TRIM11: variants seen among roughly 807,000 people sequenced by gnomAD.
TRIM11 encodes tripartite motif containing 11.
TRIM11 carries 15 observed loss-of-function variants against 33.4 expected under a neutral mutation model. The observed-to-expected ratio is 0.45, with a 90% CI of 0.30 to 0.69. TRIM11 has a LOEUF of 0.69. Among genes scored for constraint, TRIM11 ranks in the 30% least tolerant of loss-of-function variants. TRIM11 has a pLI of 0.08. For missense variants in TRIM11, 499 were observed against 667.6 expected (o/e 0.75, Z 2.78); for synonymous variants, 281 against 302.6 (o/e 0.93, Z 0.74).
At position 228,399,399 on chromosome 1, in the gene TRIM11, C is replaced by T. The variant is rs191805745; in HGVS notation, c.735+1565G>A. On this transcript the variant is annotated intron_variant, in intron 3 of 5. Transcript: ENST00000284551. ...GCAGGGAGCTTGGCCAAGGCATGGA[C>T]GGGTGGGCCACTCAGCGGGGTGAAT... 7.6e-3 allele frequency among the ~76,000 whole-genome samples: 1,150 copies of T among 152,286 alleles called. 7 individuals are homozygous for T. Among genetic ancestry groups the T allele is most frequent in the African/African-American group, 0.025 (1,059 of 41,558 alleles).
Position 228,403,777 on chromosome 1 carries a change from CCT to C in TRIM11, c.409-1618_409-1617del, listed in dbSNP as rs1656310949. 6.6e-6 allele frequency: 1 copy of C among 152,404 alleles called. No individual in the cohort carries two copies. The highest frequency in any genetic ancestry group is 3.4e-3 in the Middle Eastern group (1 of 294). 9.4% of individuals were successfully genotyped at this position (152,404 alleles called of 1,614,324 possible). Reference sequence around the variant, plus strand: ...TCAAGTGATTCTTCTGCCTCAGCCCCCTGAGTAGCTGGGATTACAGGTGCCCA... The same window carrying C: ...TCAAGTGATTCTTCTGCCTCAGCCCCGAGTAGCTGGGATTACAGGTGCCCA... On this transcript the variant is annotated intron_variant, in intron 1 of 5. Coordinates refer to ENST00000284551, the MANE Select transcript of TRIM11 (RefSeq NM_145214.3). This position sits in a 1 kb window ranked among gnomAD's most constrained non-coding sequence, Gnocchi z 4.8.
At chr1:228,405,993 G>T in intron 1 of TRIM11, 161 bp downstream of exon 1, 1 of 807,174 alleles carries the variant, frequency 1.2e-6, no homozygotes, top group Non-Finnish European at 1.7e-6. Context: ...CACCCTGCGC[G>T]ACACCCCCCT....
At chr1:228,399,829 C>A (rs1157734549) in intron 3 of TRIM11, among the ~76,000 whole-genome samples, 13 of 147,086 alleles carry the variant, frequency 8.8e-5, no homozygotes, top group African/African-American at 3.3e-4. Flanking sequence ...ACAGTGTGCA[C>A]CATTCGGGTG....
chr1:228,397,923 C>T (rs1302181777), intron 3 of TRIM11, among the ~76,000 whole-genome samples: 1 of 152,216 alleles, frequency 6.6e-6, no homozygotes, highest in Non-Finnish European at 1.5e-5. Context: ...AAGGCATCTA[C>T]AGGCCCAAGA....
At chr1:228,396,544 C>T (rs1380285384) in intron 5 of TRIM11, 7 of 620,942 alleles carry the variant, frequency 1.1e-5, no homozygotes, top group Admixed American at 5.3e-5. Flanking sequence ...GCTGTGCTAG[C>T]GAATGCTCAC....
At chr1:228,398,944 G>GCCCT (rs2075008330) in intron 3 of TRIM11, among the ~76,000 whole-genome samples, 1 of 152,048 alleles carries the variant, frequency 6.6e-6, no homozygotes, top group Non-Finnish European at 1.5e-5. Flanking sequence ...ACAGAACACG[G>GCCCT]GCCCTCCAGG....
chr1:228,399,280 T>G (rs1051079053), intron 3 of TRIM11, among the ~76,000 whole-genome samples: 1 of 152,100 alleles, frequency 6.6e-6, no homozygotes, highest in Non-Finnish European at 1.5e-5. Context: ...GCAACCCCCA[T>G]GTGGGCAGAC....
Position 228,394,908 on chromosome 1 carries a change from T to C in TRIM11, c.1204A>G (p.Arg402Gly). 6.2e-7 allele frequency: 1 copy of C among 1,614,082 alleles called. No individual in the cohort carries two copies. The highest frequency in any genetic ancestry group is 1.1e-5 in the South Asian group (1 of 91,082). Residue 402 changes from arginine (R) to glycine (G), a missense_variant, in exon 6 of 6, where the codon AGG (arginine) becomes GGG (glycine). Transcript: ENST00000284551. The surrounding 1 kb of genome is among the most constrained non-coding windows in gnomAD (Gnocchi z 6.2). Reference sequence around the variant, plus strand: ...TAGTCCAGAAAGATCCCCACGCGCCTGGGTGGGTCCCGGAGTGGAGCCAAG... The same window carrying C: ...TAGTCCAGAAAGATCCCCACGCGCCCGGGTGGGTCCCGGAGTGGAGCCAAG... ...RALAPLRDPP[R>G]RVGIFLDYEA...
In TRIM11 at chr1:228,406,705, C is replaced by T. The variant is rs998469562; in HGVS notation, c.-144G>A. ...GCGAGGCTCGGGACTCCCGGGTGCTCGGGCTCCGGGGCGCGGGGACTCCAG... is the reference window on the plus strand; with the variant it reads ...GCGAGGCTCGGGACTCCCGGGTGCTTGGGCTCCGGGGCGCGGGGACTCCAG... On this transcript the variant is annotated 5_prime_UTR_variant, in exon 1 of 6. Transcript: ENST00000284551. The surrounding 1 kb of genome is among the most constrained non-coding windows in gnomAD (Gnocchi z 8.2). 7 of 769,518 alleles carry T rather than the reference C, an allele frequency of 9.1e-6. No homozygotes were observed. The African/African-American group carries it at 1.1e-4, about 12-fold the overall frequency. 47.7% of individuals were successfully genotyped at this position (769,518 alleles called of 1,614,324 possible).
chr1:228,396,400 C>A, intron 5 of TRIM11: 1 of 503,376 alleles, frequency 2.0e-6, no homozygotes, highest in Non-Finnish European at 3.5e-6. Context: ...GGAAGGTGCA[C>A]CCAGGGAGGG....
Position 228,401,231 on chromosome 1 carries a change from C to A in TRIM11, c.505-37G>T. On this transcript the variant is annotated intron_variant, in intron 2 of 5. Transcript: ENST00000284551. This position sits in a 1 kb window ranked among gnomAD's most constrained non-coding sequence, Gnocchi z 6.1. ...AGGGAGAAGGACAGCTGAGGCCAGA[C>A]CCCAGGCCCAGCCAGACCCCAAGTT... The A allele has an allele frequency of 6.3e-7, 1 of 1,594,194 alleles. No homozygotes were observed. The highest frequency in any genetic ancestry group is 8.6e-7 in the Non-Finnish European group (1 of 1,168,170).
Position 228,406,049 on chromosome 1 carries a change from G to C in TRIM11, c.408+105C>G. 1 of 1,255,344 alleles carries C rather than the reference G, an allele frequency of 8.0e-7. No homozygotes were observed. Among genetic ancestry groups the C allele is most frequent in the Non-Finnish European group, 1.0e-6 (1 of 980,554 alleles). 77.8% of individuals were successfully genotyped at this position (1,255,344 alleles called of 1,614,324 possible). A position where few individuals can be genotyped will look rare whatever the true frequency, so the allele number is the denominator to read the frequency against. Reference sequence around the variant, plus strand: ...CATCCTGAGCTCCCCGCCCTAGACAGAGACAGATTACTCCCGGAGCAGTCC... The same window carrying C: ...CATCCTGAGCTCCCCGCCCTAGACACAGACAGATTACTCCCGGAGCAGTCC... On this transcript the variant is annotated intron_variant, in intron 1 of 5. Transcript: ENST00000284551. The surrounding 1 kb of genome is among the most constrained non-coding windows in gnomAD (Gnocchi z 8.2).
chr1:228,395,203 A>C lies in TRIM11; in HGVS notation c.909T>G (p.Ser303=). The change falls in exon 6 of 6, where the codon TCT becomes TCG. Residue 303 remains serine (S), a synonymous_variant. Transcript: ENST00000284551. The surrounding 1 kb of genome is among the most constrained non-coding windows in gnomAD (Gnocchi z 4.8). ...CCCGCTGCACGCTCCGCCTGTCTTCAGACAGGATCAGCTCAGGGTTGGCGG... is the reference window on the plus strand; with the variant it reads ...CCCGCTGCACGCTCCGCCTGTCTTCCGACAGGATCAGCTCAGGGTTGGCGG... ...PDTANPELIL[S]EDRRSVQRGD... 2.7e-6 allele frequency: 4 copies of C among 1,495,936 alleles called. No homozygotes were observed. Among genetic ancestry groups the C allele is most frequent in the Non-Finnish European group, 3.5e-6 (4 of 1,129,250 alleles). 92.7% of individuals were successfully genotyped at this position (1,495,936 alleles called of 1,614,324 possible). A position where few individuals can be genotyped will look rare whatever the true frequency, so the allele number is the denominator to read the frequency against.
At chr1:228,402,324 T>A (rs1356914696) in intron 1 of TRIM11, 163 bp from the exon 2 acceptor site, 2 of 538,290 alleles carry the variant, frequency 3.7e-6, no homozygotes, top group Admixed American at 3.6e-5. Context: ...TGAGCCCTCA[T>A]GGTAGGTGGG....
rs866210985 is a variant in TRIM11, at chr1:228,406,467, C to T, written c.95G>A (p.Gly32Asp). 6.3e-7 allele frequency: 1 copy of T among 1,592,140 alleles called. No individual in the cohort carries two copies. The change falls in exon 1 of 6, where the codon GGC becomes GAC. Residue 32 changes from glycine to aspartate, a missense_variant. Coordinates refer to ENST00000284551, the MANE Select transcript of TRIM11 (RefSeq NM_145214.3). The surrounding 1 kb of genome is among the most constrained non-coding windows in gnomAD (Gnocchi z 8.2). Reference protein sequence around the residue: ...YFTDPVMTDCGHNFCRECIRR... With the variant: ...YFTDPVMTDCDHNFCRECIRR... ...GATGCACTCGCGGCAGAAGTTGTGGCCGCAGTCGGTCATCACCGGATCCGT... is the reference window on the plus strand; with the variant it reads ...GATGCACTCGCGGCAGAAGTTGTGGTCGCAGTCGGTCATCACCGGATCCGT...
Position 228,400,962 on chromosome 1 carries a change from A to G in TRIM11, c.735+2T>C. 6.4e-7 allele frequency: 1 copy of G among 1,563,032 alleles called. No homozygotes were observed. Among genetic ancestry groups the G allele is most frequent in the East Asian group, 2.3e-5 (1 of 43,490 alleles). On this transcript the variant is annotated splice_donor_variant, in intron 3 of 5. Transcript: ENST00000284551. LOFTEE classifies it high-confidence loss of function. This position sits in a 1 kb window ranked among gnomAD's most constrained non-coding sequence, Gnocchi z 4.5. ...ACCATGGCTGCTCCCCGCCCAGCTC[A>G]CCTGCAGCAGCCCCAGAGCAGGCAG...
At chr1:228,404,655 A>C (rs2149094509) in intron 1 of TRIM11, 2 of 152,322 alleles carry the variant, frequency 1.3e-5, no homozygotes, top group South Asian at 4.1e-4. Context: ...CCCTCTCTCT[A>C]CCAGGAAGAG....
chr1:228,395,114 C>G lies in TRIM11; in HGVS notation c.998G>C (p.Gly333Ala), dbSNP rs903547650. 2.5e-6 allele frequency: 4 copies of G among 1,591,588 alleles called. No homozygotes were observed. In the African/African-American group the frequency reaches 5.4e-5, roughly 21 times the overall value. ...GCGGCCTGAGGTGAAGCGCTCCTGG[C>G]CCAGCACGCAGGGGCCGGGGTCAAA... The part of the protein sequence containing the change: ...ERFDPGPCVL[G>A]QERFTSGRHY... Residue 333 changes from glycine (G) to alanine (A), a missense_variant, in exon 6 of 6, where the codon GGC (glycine) becomes GCC (alanine). By Grantham distance (60) the Gly-to-Ala change is moderately conservative (BLOSUM62 0). Transcript: ENST00000284551. The surrounding 1 kb of genome is among the most constrained non-coding windows in gnomAD (Gnocchi z 4.8).
intron 3 of TRIM11, 171 bp from the exon 4 acceptor site, chr1:228,397,336 G>C (rs1375865827): frequency 1.4e-6 from 1 of 711,536 alleles, no homozygotes; most frequent in Non-Finnish European, 2.4e-6. Context: ...CTCAGACACA[G>C]GAATGCTGGA....
Sources: allele counts gnomAD v4.1 joint callset (sites outside exome capture counted in the v4.1 genomes callset), GRCh38; gene constraint gnomAD v4.1.1; non-coding constraint Gnocchi (gnomAD v3.1); transcripts MANE v1.5; gene names NCBI Gene and HGNC (gene_info 2026-07-23, HGNC 2026-07-21).